DMXL2: variants seen among roughly 807,000 people sequenced by gnomAD.
DMXL2 encodes the protein dmX-like protein 2.
In DMXL2, 103 loss-of-function variants were observed where a neutral mutation model predicts 331.1. The observed-to-expected ratio is 0.31, with a 90% CI of 0.27 to 0.37. The LOEUF is 0.37. Ranked by LOEUF, DMXL2 falls within the 10% of genes least tolerant of loss-of-function variation. The pLI, the probability that DMXL2 is intolerant of heterozygous loss-of-function variation, is 1.00. For missense variants in DMXL2, 3,171 were observed against 3,642.9 expected, an observed-to-expected ratio of 0.87 and a Z score of 3.33; for synonymous variants, 1,281 against 1,252.1, an observed-to-expected ratio of 1.02 and a Z score of -0.49.
intron 1 of DMXL2, among the ~76,000 whole-genome samples, chr15:51,611,183 T>G (rs1167538082): frequency 2.0e-5 from 3 of 151,804 alleles, no homozygotes; most frequent in African/African-American, 7.3e-5. Flanking sequence ...AAAGCTAAAG[T>G]GGGTTCTTTA....
intron 1 of DMXL2, among the ~76,000 whole-genome samples, chr15:51,583,250 A>G (rs1284309085): frequency 1.0e-5 from 1 of 99,106 alleles, no homozygotes; most frequent in Non-Finnish European, 2.0e-5. Flanking sequence ...AGCATTAGGT[A>G]TATCTCCCAA....
chr15:51,502,740 T>G lies in DMXL2; in HGVS notation c.2992+66A>C, dbSNP rs1220220282. 10 of 1,008,228 alleles carry G rather than the reference T, an allele frequency of 9.9e-6. No individual in the cohort carries two copies. In the South Asian group the frequency reaches 1.2e-4, roughly 12 times the overall value. The allele number at this position is 1,008,228 out of a possible 1,614,324, so 62.5% of individuals were successfully genotyped here. On this transcript the variant is annotated intron_variant, in intron 17 of 43. Coordinates refer to ENST00000560891, the MANE Select transcript of DMXL2 (RefSeq NM_001378457.1). ...ATTTCAGAAGAGTTCATCTATTTTATCCACTAAAGAGTTCATATATTTTAT... is the reference window on the plus strand; with the variant it reads ...ATTTCAGAAGAGTTCATCTATTTTAGCCACTAAAGAGTTCATATATTTTAT...
chr15:51,558,425 T>C (rs2049739661), intron 6 of DMXL2, among the ~76,000 whole-genome samples: 1 of 152,178 alleles, frequency 6.6e-6, no homozygotes, highest in African/African-American at 2.4e-5. Context: ...TCTATTTTCA[T>C]AAATGCTAAT....
At chr15:51,618,776 T>C (rs1663537880) in intron 1 of DMXL2, among the ~76,000 whole-genome samples, 1 of 152,206 alleles carries the variant, frequency 6.6e-6, no homozygotes, top group Non-Finnish European at 1.5e-5. Context: ...TTCCAAACCT[T>C]ACTCTTCCAT....
intron 25 of DMXL2, among the ~76,000 whole-genome samples, chr15:51,478,874 C>G (rs1193488577): frequency 6.6e-6 from 1 of 151,774 alleles, no homozygotes; most frequent in Non-Finnish European, 1.5e-5. Flanking sequence ...GAATTGAGGA[C>G]AGTCTTAGAA....
chr15:51,465,680 T>TA, intron 30 of DMXL2, 29 bp from the exon 31 acceptor site: 2 of 1,467,596 alleles, frequency 1.4e-6, no homozygotes, highest in Non-Finnish European at 1.9e-6. Flanking sequence ...AAAGAGTCTT[T>TA]AAGTGAAAAA....
chr15:51,609,408 A>G (rs6493511), intron 1 of DMXL2, among the ~76,000 whole-genome samples: 124,062 of 152,198 alleles, frequency 0.82, 50,924 homozygotes, highest in East Asian at 0.99. Flanking sequence ...AACATTCTAC[A>G]ACGGACCCGG....
chr15:51,563,320 A>G, intron 6 of DMXL2, 61 bp downstream of exon 6: 1 of 1,337,988 alleles, frequency 7.5e-7, no homozygotes, highest in East Asian at 2.5e-5. Context: ...ATAAAAATAA[A>G]TAAGGAACAT....
chr15:51,481,393 G>A lies in DMXL2; in HGVS notation c.5713C>T (p.Leu1905Phe). The A allele has an allele frequency of 6.8e-6, 11 of 1,613,378 alleles. No homozygotes were observed. Among genetic ancestry groups the A allele is most frequent in the Non-Finnish European group, 9.3e-6 (11 of 1,179,690 alleles). Residue 1905 changes from leucine (L) to phenylalanine (F), a missense_variant, in exon 24 of 44, where the codon CTC becomes TTC. Leu to Phe is a conservative substitution (Grantham distance 22). Transcript: ENST00000560891. ...VGCPVLALEV[L>F]SKIPKVTKTS... ...TTGGTTACTTTTGGAATTTTGGAGAGTACCTCCAAGGCTAAAACAGGGCAT... is the reference window on the plus strand; with the variant it reads ...TTGGTTACTTTTGGAATTTTGGAGAATACCTCCAAGGCTAAAACAGGGCAT...
Position 51,601,059 on chromosome 15 carries a change from A to C in DMXL2, c.87+21400T>G, listed in dbSNP as rs185951764. ...GTAATCCCAGCACTTTGGGAGACCG[A>C]GGCGGGCGGATCACAAGGTCAGGAT... On this transcript the variant is annotated intron_variant, in intron 1 of 43. Transcript: ENST00000560891. Among the ~76,000 whole-genome samples, 63 of 152,252 alleles carry C rather than the reference A, an allele frequency of 4.1e-4. 2 individuals carry two copies. In the East Asian group the frequency reaches 0.011, roughly 27 times the overall value.
Position 51,536,870 on chromosome 15 carries a change from A to T in DMXL2, c.1618-8T>A. 1.9e-6 allele frequency: 3 copies of T among 1,585,674 alleles called. No individual in the cohort carries two copies. Among genetic ancestry groups the T allele is most frequent in the Non-Finnish European group, 2.6e-6 (3 of 1,170,042 alleles). ...CCGAGAAGAAAAAGAAACCTGAAAA[A>T]CATAATTATATGATTCAGTGCAAAT... On this transcript the variant is annotated splice_region_variant and splice_polypyrimidine_tract_variant and intron_variant, in intron 11 of 43. Coordinates refer to ENST00000560891, the MANE Select transcript of DMXL2 (RefSeq NM_001378457.1).
intron 23 of DMXL2, among the ~76,000 whole-genome samples, chr15:51,482,857 C>T (rs1595961376): frequency 6.6e-6 from 1 of 152,140 alleles, no homozygotes; most frequent in Non-Finnish European, 1.5e-5. Context: ...AAAGAAAGGA[C>T]CAAGGCAATG....
chr15:51,580,824 C>A (rs952647669), intron 1 of DMXL2, among the ~76,000 whole-genome samples: 2 of 152,040 alleles, frequency 1.3e-5, no homozygotes, highest in Admixed American at 6.6e-5. Flanking sequence ...AAATATTAAC[C>A]CTCACTTGTT....
At chr15:51,449,348 A>G (rs1447299245) in intron 43 of DMXL2, among the ~76,000 whole-genome samples, 155 bp from the exon 44 acceptor site, 1 of 152,184 alleles carries the variant, frequency 6.6e-6, no homozygotes, top group African/African-American at 2.4e-5. Context: ...GGAAATGATA[A>G]CACCACTCCC....
chr15:51,586,507 C>T, intron 1 of DMXL2, among the ~76,000 whole-genome samples: 1 of 151,894 alleles, frequency 6.6e-6, no homozygotes, highest in East Asian at 1.9e-4. Context: ...AAAACAGCAA[C>T]TGGCCTGAAA....
At chr15:51,532,549 CAA>C (rs2048063602) in intron 13 of DMXL2, among the ~76,000 whole-genome samples, 1 of 152,088 alleles carries the variant, frequency 6.6e-6, no homozygotes, top group African/African-American at 2.4e-5. Context: ...ATTTGTAACA[CAA>C]AGGATAAATG....
intron 1 of DMXL2, among the ~76,000 whole-genome samples, chr15:51,587,681 G>C (rs10163137): frequency 0.025 from 3,818 of 152,180 alleles, 154 homozygotes; most frequent in African/African-American, 0.086. Flanking sequence ...TGGGTATATA[G>C]CCAGTAATGG....
At chr15:51,564,668 A>G (rs952845322) in intron 4 of DMXL2, among the ~76,000 whole-genome samples, 1 of 152,176 alleles carries the variant, frequency 6.6e-6, no homozygotes, top group Non-Finnish European at 1.5e-5. Context: ...ATCCTTATTA[A>G]TTGTGAATAT....
At chr15:51,460,393 C>A (rs2040007521) in intron 33 of DMXL2, 1 of 985,116 alleles carries the variant, frequency 1.0e-6, no homozygotes, top group South Asian at 4.7e-5. Context: ...AAAGATGCAT[C>A]CAAGAAAACT....
Sources: allele counts gnomAD v4.1 joint callset (sites outside exome capture counted in the v4.1 genomes callset), GRCh38; gene constraint gnomAD v4.1.1; transcripts MANE v1.5; gene names NCBI Gene and HGNC (gene_info 2026-07-23, HGNC 2026-07-21).